The following RP1 variants were observed in gnomAD, a reference collection of about 807,000 sequenced individuals.
RP1 encodes the protein oxygen-regulated protein 1.
Under a neutral mutation model 14.8 loss-of-function variants are expected in RP1, and 16 were observed. The observed-to-expected ratio is 1.08, with a 90% CI of 0.73 to 1.65. The LOEUF is 1.65. Among genes scored for constraint, RP1 ranks in the 40% most tolerant of loss-of-function variants. RP1 has a pLI of 0.00. For synonymous variants in RP1, 876 were observed against 883.6 expected, an observed-to-expected ratio of 0.99 and a Z score of 0.15; for missense variants, 2,631 against 2,535.0, an observed-to-expected ratio of 1.04 and a Z score of -0.81.
rs1806095331 is a variant in RP1, at chr8:54,627,387, C to T, written c.3505C>T (p.His1169Tyr). ...ETLALLEILK[H>Y]IAITEEADDL... Reference sequence around the variant, plus strand: ...ACTTGCATTGTTGGAGATTCTAAAGCACATAGCTATCACAGAGGAAGCTGA... The same window carrying T: ...ACTTGCATTGTTGGAGATTCTAAAGTACATAGCTATCACAGAGGAAGCTGA... The change falls in exon 4 of 4, where the codon CAC becomes TAC. Residue 1169 changes from histidine to tyrosine, a missense_variant. Coordinates refer to ENST00000220676, the MANE Select transcript of RP1 (RefSeq NM_006269.2). The T allele has an allele frequency of 1.2e-6, 2 of 1,614,034 alleles. No individual in the cohort carries two copies. The highest frequency in any genetic ancestry group is 3.3e-5 in the Admixed American group (2 of 60,004).
At chr8:54,603,981 C>T (rs901309106) in intron 1 of RP1, among the ~76,000 whole-genome samples, 1 of 152,200 alleles carries the variant, frequency 6.6e-6, no homozygotes, top group East Asian at 1.9e-4. Context: ...ATGTCATCTG[C>T]AAACAGGACA....
At chr8:54,680,948 ACT>A (rs2129335686) in intron 12 of RP1, among the ~76,000 whole-genome samples, 1 of 145,444 alleles carries the variant, frequency 6.9e-6, no homozygotes, top group East Asian at 2.0e-4. Context: ...ACAGAGCGAG[ACT>A]CTGTCTCGGA....
chr8:54,863,116 G>A lies in RP1; in HGVS notation c.4070-2719G>A, dbSNP rs183576639. Among the ~76,000 whole-genome samples the A allele has an allele frequency of 3.5e-3, 497 of 143,852 alleles. 6 individuals carry two copies. Among genetic ancestry groups the A allele is most frequent in the Admixed American group, 0.026 (357 of 13,970 alleles). The allele number at this position is 143,852 out of a possible 152,430, so 94.4% of individuals were successfully genotyped here. The stretch of plus-strand genomic sequence containing the variant: ...GCTGCATAACCATGTTTCAGTTAAC[G>A]TGGACCACATATATGATGGTAGTCC... On this transcript the variant is annotated intron_variant, in intron 27 of 28. Coordinates refer to the RP1 transcript ENST00000637698.
chr8:54,583,025 T>G (rs1395751694), intron 1 of RP1, among the ~76,000 whole-genome samples: 2 of 152,182 alleles, frequency 1.3e-5, no homozygotes, highest in Non-Finnish European at 2.9e-5. Flanking sequence ...GGCCAGAACT[T>G]CCAACACTAT....
intron 23 of RP1, chr8:54,783,459 C>T (rs1810238457): frequency 1.6e-6 from 1 of 607,698 alleles, no homozygotes; most frequent in South Asian, 8.7e-5. Context: ...ATTTCATAAC[C>T]AAGTAGATTA....
chr8:54,863,612 G>T (rs777529881), intron 27 of RP1, among the ~76,000 whole-genome samples: 1 of 152,090 alleles, frequency 6.6e-6, no homozygotes, highest in South Asian at 2.1e-4. Flanking sequence ...TGTATTGACT[G>T]CTTCGTCTTC....
chr8:54,821,141 A>G (rs1352380513), intron 24 of RP1, among the ~76,000 whole-genome samples: 1 of 152,232 alleles, frequency 6.6e-6, no homozygotes, highest in Non-Finnish European at 1.5e-5. Flanking sequence ...AAGAGAAGGT[A>G]GGTGTAGAAA....
intron 12 of RP1, among the ~76,000 whole-genome samples, chr8:54,690,585 A>AG (rs1807688365): frequency 6.6e-6 from 1 of 151,994 alleles, no homozygotes; most frequent in Non-Finnish European, 1.5e-5. Flanking sequence ...AGGAGACGTC[A>AG]GGGGAGTAGA....
At chr8:54,650,464 A>T (rs1487188956) in intron 4 of RP1, among the ~76,000 whole-genome samples, 3 of 152,158 alleles carry the variant, frequency 2.0e-5, no homozygotes, top group African/African-American at 4.8e-5. Context: ...CCATTAAAAA[A>T]TTTTTAAATT....
At chr8:54,579,519 G>A (rs917985862) in intron 1 of RP1, among the ~76,000 whole-genome samples, 1 of 152,168 alleles carries the variant, frequency 6.6e-6, no homozygotes. Flanking sequence ...TTAGTGAGTT[G>A]CCTGTAGGAA....
chr8:54,692,230 G>T (rs1303812336), intron 12 of RP1, among the ~76,000 whole-genome samples: 1 of 150,768 alleles, frequency 6.6e-6, no homozygotes, highest in Middle Eastern at 3.2e-3. Context: ...TGGACATTTG[G>T]GTTGGTTCCA....
At chr8:54,865,616 G>A (rs1320545173) in intron 27 of RP1, among the ~76,000 whole-genome samples, 1 of 151,782 alleles carries the variant, frequency 6.6e-6, no homozygotes, top group Non-Finnish European at 1.5e-5. Context: ...TAGAGAGTTT[G>A]GGTCCCTATC....
intron 17 of RP1, among the ~76,000 whole-genome samples, chr8:54,733,795 A>C (rs1808848838): frequency 6.6e-6 from 1 of 152,172 alleles, no homozygotes. Context: ...TGCCCTCAGC[A>C]TTGTCTGGCC....
At chr8:54,634,741 G>C (rs1029324409), downstream of RP1, among the ~76,000 whole-genome samples, 1 of 152,124 alleles carries the variant, frequency 6.6e-6, no homozygotes, top group Non-Finnish European at 1.5e-5. Flanking sequence ...CGTTCATCTT[G>C]TTCTAGACAA....
chr8:54,607,271 C>T (rs907492761), intron 1 of RP1, among the ~76,000 whole-genome samples: 1 of 152,164 alleles, frequency 6.6e-6, no homozygotes, highest in African/African-American at 2.4e-5. Flanking sequence ...CAGTCAGTAC[C>T]CTCAGCTGCA....
chr8:54,688,276 G>A (rs1807616506), intron 12 of RP1, among the ~76,000 whole-genome samples: 2 of 152,146 alleles, frequency 1.3e-5, no homozygotes, highest in Admixed American at 6.5e-5. Flanking sequence ...TGTTCACTCT[G>A]ATGATAGTTA....
At chr8:54,711,961 T>C (rs1297747073) in intron 15 of RP1, among the ~76,000 whole-genome samples, 3 of 152,208 alleles carry the variant, frequency 2.0e-5, no homozygotes, top group Non-Finnish European at 4.4e-5. Flanking sequence ...AGAAGTATAA[T>C]TGGAGAACCA....
intron 15 of RP1, among the ~76,000 whole-genome samples, chr8:54,713,727 G>A (rs375384780): frequency 6.6e-6 from 1 of 152,176 alleles, no homozygotes; most frequent in African/African-American, 2.4e-5. Context: ...ATAAAATTCA[G>A]TGAAAGTCTT....
intron 24 of RP1, among the ~76,000 whole-genome samples, chr8:54,798,171 G>A (rs1298030388): frequency 6.6e-6 from 1 of 151,860 alleles, no homozygotes; most frequent in Non-Finnish European, 1.5e-5. Context: ...GTGCCACCAC[G>A]CCCGGCTAAG....
Sources: allele counts gnomAD v4.1 joint callset (sites outside exome capture counted in the v4.1 genomes callset), GRCh38; gene constraint gnomAD v4.1.1; transcripts MANE v1.5; gene names NCBI Gene and HGNC (gene_info 2026-07-23, HGNC 2026-07-21).